VWF: variants seen among roughly 807,000 people sequenced by gnomAD.
VWF encodes the protein Factor VIII related antigen.
VWF carries 176 observed loss-of-function variants against 308.6 expected under a neutral mutation model. That is an observed-to-expected ratio of 0.57 (90% CI 0.50 to 0.65). VWF has a LOEUF of 0.65. Among genes scored for constraint, VWF ranks in the 30% least tolerant of loss-of-function variants. VWF has a pLI of 0.00. For missense variants in VWF, 3,146 were observed against 3,648.2 expected, an observed-to-expected ratio of 0.86 and a Z score of 3.55; for synonymous variants, 1,385 against 1,443.4, an observed-to-expected ratio of 0.96 and a Z score of 0.92.
chr12:6,100,133 C>T (rs1271921035), intron 5 of VWF, among the ~76,000 whole-genome samples: 1 of 152,004 alleles, frequency 6.6e-6, no homozygotes, highest in Admixed American at 6.5e-5. Context: ...CCAAAAAACA[C>T]ATGAAAAAAT....
chr12:6,064,401 C>G lies in VWF; in HGVS notation c.1294-17G>C, dbSNP rs1565849760. Reference sequence around the variant, plus strand: ...ATCAGCACACTGCCAAGAGGGAACACAGGGTGACTTTGCTGCACCCCCTGC... The same window carrying G: ...ATCAGCACACTGCCAAGAGGGAACAGAGGGTGACTTTGCTGCACCCCCTGC... On this transcript the variant is annotated splice_polypyrimidine_tract_variant and intron_variant, in intron 11 of 51. Coordinates refer to ENST00000261405, the MANE Select transcript of VWF (RefSeq NM_000552.5). 1.2e-6 allele frequency: 2 copies of G among 1,613,926 alleles called. No homozygotes were observed. The highest frequency in any genetic ancestry group is 2.2e-5 in the South Asian group (2 of 91,082).
chr12:6,048,745 G>A (rs376339385), intron 16 of VWF, among the ~76,000 whole-genome samples: 3 of 152,242 alleles, frequency 2.0e-5, no homozygotes, highest in Non-Finnish European at 2.9e-5. Context: ...TTACAGGCGT[G>A]AGCCACCTTG....
rs1471032885 is a variant in VWF at position 6,046,534 on chromosome 12, C to T, written c.2281+189G>A. On this transcript the variant is annotated intron_variant, in intron 17 of 51. Coordinates refer to ENST00000261405, the MANE Select transcript of VWF (RefSeq NM_000552.5). This position sits in a 1 kb window ranked among gnomAD's most constrained non-coding sequence, Gnocchi z 5.0. ...CCTCAATGGTCGGGATTGACACATG[C>T]AAAGACATGCCTTGGCCTGAAAGTC... Among the ~76,000 whole-genome samples, 1 of 152,252 alleles carries T rather than the reference C, an allele frequency of 6.6e-6. No homozygotes were observed. Among genetic ancestry groups the T allele is most frequent in the East Asian group, 1.9e-4 (1 of 5,204 alleles).
intron 16 of VWF, among the ~76,000 whole-genome samples, chr12:6,050,327 G>A (rs142035462): frequency 1.2e-3 from 190 of 152,158 alleles, no homozygotes; most frequent in Middle Eastern, 6.8e-3. Context: ...TACTGCTATC[G>A]CTTGATCCAA....
At chr12:5,964,278 A>ACATACATACATACATACATACATG (rs1565811232) in intron 47 of VWF, among the ~76,000 whole-genome samples, 5 of 138,402 alleles carry the variant, frequency 3.6e-5, no homozygotes, top group African/African-American at 1.4e-4. Flanking sequence ...ATACATGCAT[A>ACATACATACATACATACATACATG]CATACATGCA....
At chr12:6,094,636 A>G (rs750660899) in intron 6 of VWF, among the ~76,000 whole-genome samples, 4 of 152,200 alleles carry the variant, frequency 2.6e-5, no homozygotes, top group Non-Finnish European at 4.4e-5. Flanking sequence ...GAAGTGATGA[A>G]GTCCTGAGGG....
At chr12:6,091,635 C>T (rs545073735) in intron 6 of VWF, among the ~76,000 whole-genome samples, 6 of 152,308 alleles carry the variant, frequency 3.9e-5, no homozygotes, top group Admixed American at 6.5e-5. Context: ...CCTCTACCTC[C>T]TGGGCTCAAG....
chr12:6,014,562 GGAA>G (rs1356483556), intron 31 of VWF, among the ~76,000 whole-genome samples: 1 of 152,170 alleles, frequency 6.6e-6, no homozygotes, highest in Non-Finnish European at 1.5e-5. Context: ...TCAGGGAAAA[GGAA>G]GAAGAATCAA....
chr12:6,115,290 C>T (rs1175023673), intron 3 of VWF, among the ~76,000 whole-genome samples: 1 of 152,226 alleles, frequency 6.6e-6, no homozygotes, highest in Non-Finnish European at 1.5e-5. Context: ...CCTCCCGCTT[C>T]AGCCTCCCAA....
intron 6 of VWF, among the ~76,000 whole-genome samples, chr12:6,079,450 C>T (rs1302460191): frequency 6.7e-6 from 1 of 149,222 alleles, no homozygotes; most frequent in Non-Finnish European, 1.5e-5. Context: ...ACTAAAAATA[C>T]AAAAAAAAAA....
chr12:6,072,314 T>C lies in VWF; in HGVS notation c.1109+17A>G. 3.1e-6 allele frequency: 5 copies of C among 1,611,582 alleles called. No homozygotes were observed. The highest frequency in any genetic ancestry group is 4.2e-6 in the Non-Finnish European group (5 of 1,177,958). On this transcript the variant is annotated intron_variant, in intron 9 of 51. Coordinates refer to ENST00000261405, the MANE Select transcript of VWF (RefSeq NM_000552.5). ...CCCAGGCAGGTCTCCCAGAGCACGC[T>C]GCGCAGCCCCCATTACCAGGTGTTG...
rs563629836 is a variant in VWF, at chr12:6,072,920, GC to G, written c.998-479del. On this transcript the variant is annotated intron_variant, in intron 8 of 51. Coordinates refer to ENST00000261405, the MANE Select transcript of VWF (RefSeq NM_000552.5). ...CTCGTTCTGTCACCCAGGATGGAGT[GC>G]AGTGGTGCGATCTCGGTTCACTGCA... Among the ~76,000 whole-genome samples the G allele has an allele frequency of 9.5e-4, 144 of 150,792 alleles. 1 individual carries two copies. The Middle Eastern group carries it at 0.01, about 11-fold the overall frequency.
Position 6,016,851 on chromosome 12 carries a change from G to C in VWF, c.5073C>G (p.Asp1691Glu). The change falls in exon 29 of 52, where the codon GAC becomes GAG. Residue 1691 changes from aspartate (D) to glutamate (E), a missense_variant. By Grantham distance (45) the Asp-to-Glu change is conservative. Transcript: ENST00000261405. ...SPAPDCSQPL[D>E]VILLLDGSSS... ...AGGAGCCATCCAGGAGAAGGATCAC[G>C]TCCAGGGGCTGGCTGCAGTCTGCAA... The C allele has an allele frequency of 1.2e-6, 2 of 1,614,050 alleles. No homozygotes were observed. Among genetic ancestry groups the C allele is most frequent in the Non-Finnish European group, 1.7e-6 (2 of 1,179,990 alleles).
intron 17 of VWF, 32 bp from the exon 18 acceptor site, chr12:6,044,483 G>A: frequency 6.2e-7 from 1 of 1,610,430 alleles, no homozygotes; most frequent in Non-Finnish European, 8.5e-7. Context: ...GAGATGATTA[G>A]TGAAGGAGAG....
At chr12:6,022,505 G>C (rs1350935510) in intron 26 of VWF, among the ~76,000 whole-genome samples, 1 of 150,612 alleles carries the variant, frequency 6.6e-6, no homozygotes, top group African/African-American at 2.5e-5. Context: ...GGCAGGGGCT[G>C]CTTTAGGTGA....
Position 6,056,923 on chromosome 12 carries a change from C to G in VWF, c.1879G>C (p.Ala627Pro). ...DGRECLCGAL[A>P]SYAAACAGRG... ...CCCGCGCAGGCCGCGGCATAGCTGG[C>G]CAGGGCGCCGCACAGGCACTCGCGG... Residue 627 changes from alanine to proline, a missense_variant, in exon 15 of 52, where the codon GCC becomes CCC. Transcript: ENST00000261405. The G allele has an allele frequency of 6.5e-7, 1 of 1,533,010 alleles. No homozygotes were observed. The highest frequency in any genetic ancestry group is 8.7e-7 in the Non-Finnish European group (1 of 1,145,434). 95.0% of individuals were successfully genotyped at this position (1,533,010 alleles called of 1,614,324 possible). A position where few individuals can be genotyped will look rare whatever the true frequency, so the allele number is the denominator to read the frequency against.
chr12:6,118,710 T>A (rs1945397369), intron 3 of VWF, among the ~76,000 whole-genome samples: 1 of 152,160 alleles, frequency 6.6e-6, no homozygotes, highest in African/African-American at 2.4e-5. Context: ...CGGTCACTTC[T>A]AACCCTCCAT....
At chr12:6,073,286 T>C (rs1944800532) in intron 8 of VWF, among the ~76,000 whole-genome samples, 1 of 152,184 alleles carries the variant, frequency 6.6e-6, no homozygotes, top group Non-Finnish European at 1.5e-5. Context: ...GAGATCTTTT[T>C]CCCAGATCGG....
Position 6,103,387 on chromosome 12 carries a change from T to C in VWF, c.532+6987A>G, listed in dbSNP as rs538391326. Among the ~76,000 whole-genome samples the C allele has an allele frequency of 1.8e-4, 25 of 138,840 alleles. 1 individual carries two copies. Among genetic ancestry groups the C allele is most frequent in the Admixed American group, 1.2e-3 (17 of 14,282 alleles). 91.1% of individuals were successfully genotyped at this position (138,840 alleles called of 152,430 possible). A position where few individuals can be genotyped will look rare whatever the true frequency, so the allele number is the denominator to read the frequency against. On this transcript the variant is annotated intron_variant, in intron 5 of 51. Transcript: ENST00000261405. ...ATATATGTGTGTGTGTGTATACACG[T>C]GTGTGTATACACGTGTGTGTATACA... is the stretch of plus-strand genomic sequence containing the variant.
Sources: allele counts gnomAD v4.1 joint callset (sites outside exome capture counted in the v4.1 genomes callset), GRCh38; gene constraint gnomAD v4.1.1; non-coding constraint Gnocchi (gnomAD v3.1); transcripts MANE v1.5; gene names NCBI Gene and HGNC (gene_info 2026-07-23, HGNC 2026-07-21).